The following ADK variants were observed in gnomAD, a reference collection of about 807,000 sequenced individuals.
ADK encodes N6,N6-dimethyladenosine kinase.
In ADK, 24 loss-of-function variants were observed where a neutral mutation model predicts 44.7. The observed-to-expected ratio is 0.54, with a 90% CI of 0.39 to 0.76. The LOEUF (loss-of-function observed/expected upper bound fraction) is 0.76, where lower values mean the gene tolerates loss of function less well. Ranked by LOEUF, ADK falls within the 30% of genes least tolerant of loss-of-function variation. The probability of loss-of-function intolerance (pLI) is 0.00; values close to 1 mark genes in which losing one functional copy is unlikely to be tolerated. For synonymous variants in ADK, 128 were observed against 142.6 expected, an observed-to-expected ratio of 0.90 and a Z score of 0.73; for missense variants, 321 against 425.1, an observed-to-expected ratio of 0.76 and a Z score of 2.15.
At chr10:74,159,531 T>C (rs1841835642) in intron 1 of ADK, among the ~76,000 whole-genome samples, 1 of 152,222 alleles carries the variant, frequency 6.6e-6, no homozygotes. Context: ...CTTTGGTTCA[T>C]ACTTAGAACC....
intron 7 of ADK, among the ~76,000 whole-genome samples, chr10:74,573,816 C>T (rs754444420): frequency 7.2e-5 from 11 of 152,186 alleles, no homozygotes; most frequent in African/African-American, 1.4e-4. Flanking sequence ...GAGCCAGGTG[C>T]GGGATATAAT....
chr10:74,407,357 G>C (rs183856527), intron 6 of ADK, among the ~76,000 whole-genome samples: 11 of 152,202 alleles, frequency 7.2e-5, no homozygotes, highest in African/African-American at 2.6e-4. Flanking sequence ...TGACATTATA[G>C]TTTTCATCTC....
intron 7 of ADK, among the ~76,000 whole-genome samples, chr10:74,536,034 G>A (rs1409653887): frequency 1.3e-5 from 2 of 151,584 alleles, no homozygotes; most frequent in East Asian, 3.9e-4. Context: ...TCTGTAAATT[G>A]AGGGGATTTG....
chr10:74,632,333 C>T (rs541924655), intron 9 of ADK, among the ~76,000 whole-genome samples: 1 of 152,240 alleles, frequency 6.6e-6, no homozygotes, highest in Admixed American at 6.5e-5. Flanking sequence ...ATGGTTTATT[C>T]ATTTCCTAGG....
Position 74,708,340 on chromosome 10 carries a change from C to A in ADK, c.984C>A (p.Val328=). The part of the protein sequence containing the change: ...AFVGGFLSQL[V]SDKPLTECIR... ...TTCTAGGTTTTCTGTCTCAACTGGTCTCTGACAAGCCTCTGACTGAATGTA... is the reference window on the plus strand; with the variant it reads ...TTCTAGGTTTTCTGTCTCAACTGGTATCTGACAAGCCTCTGACTGAATGTA... Residue 328 remains valine, a synonymous_variant, in exon 11 of 11, where the codon GTC becomes GTA. Transcript: ENST00000539909. The A allele has an allele frequency of 6.2e-7, 1 of 1,611,344 alleles. No homozygotes were observed. The highest frequency in any genetic ancestry group is 1.1e-5 in the South Asian group (1 of 90,988).
chr10:74,406,351 T>C (rs778105009), intron 6 of ADK, among the ~76,000 whole-genome samples: 12 of 152,162 alleles, frequency 7.9e-5, no homozygotes, highest in Non-Finnish European at 1.2e-4. Flanking sequence ...TTTTAAGATG[T>C]TTATCACTGA....
intron 6 of ADK, among the ~76,000 whole-genome samples, chr10:74,507,127 T>A (rs185392360): frequency 6.6e-6 from 1 of 152,240 alleles, no homozygotes; most frequent in Admixed American, 6.5e-5. Context: ...GACTTAACAT[T>A]AAACAGGACT....
chr10:74,155,136 C>T (rs1841711936), intron 1 of ADK, among the ~76,000 whole-genome samples: 1 of 152,112 alleles, frequency 6.6e-6, no homozygotes, highest in African/African-American at 2.4e-5. Flanking sequence ...TTCCATGGAC[C>T]CCTTTTATTA....
At chr10:74,368,912 A>C (rs1222219852) in intron 4 of ADK, among the ~76,000 whole-genome samples, 1 of 152,206 alleles carries the variant, frequency 6.6e-6, no homozygotes, top group Non-Finnish European at 1.5e-5. Context: ...AACAGACACG[A>C]GCCACCGCAT....
intron 6 of ADK, among the ~76,000 whole-genome samples, chr10:74,510,748 C>T (rs1848278265): frequency 6.6e-6 from 1 of 152,126 alleles, no homozygotes; most frequent in Non-Finnish European, 1.5e-5. Context: ...TGCTGTGTCA[C>T]CCAGGCTGCA....
chr10:74,581,828 TA>T (rs1851383373), intron 7 of ADK, among the ~76,000 whole-genome samples: 2 of 152,092 alleles, frequency 1.3e-5, no homozygotes, highest in South Asian at 4.1e-4. Context: ...CCAGTGAAAA[TA>T]CCTTTCAAAA....
intron 3 of ADK, among the ~76,000 whole-genome samples, chr10:74,232,688 C>T (rs1177299632): frequency 6.6e-6 from 1 of 151,972 alleles, no homozygotes; most frequent in Non-Finnish European, 1.5e-5. Flanking sequence ...TGCAGTGGCA[C>T]AATCTTAGCT....
intron 10 of ADK, among the ~76,000 whole-genome samples, chr10:74,700,244 G>A (rs1468936013): frequency 6.6e-6 from 1 of 152,092 alleles, no homozygotes; most frequent in Non-Finnish European, 1.5e-5. Flanking sequence ...TGATTACCAG[G>A]AGATTTTGGT....
chr10:74,343,887 C>T (rs555653287), intron 4 of ADK, among the ~76,000 whole-genome samples: 58 of 152,238 alleles, frequency 3.8e-4, no homozygotes, highest in African/African-American at 1.2e-3. Context: ...AGATTACAGG[C>T]GTGAGCAACC....
At chr10:74,480,157 T>C (rs1238835413) in intron 6 of ADK, among the ~76,000 whole-genome samples, 1 of 152,060 alleles carries the variant, frequency 6.6e-6, no homozygotes, top group Non-Finnish European at 1.5e-5. Flanking sequence ...AATAATGTTC[T>C]AGTTTTGTCT....
At chr10:74,589,887 C>A (rs533434683) in intron 8 of ADK, among the ~76,000 whole-genome samples, 3 of 151,964 alleles carry the variant, frequency 2.0e-5, no homozygotes, top group African/African-American at 7.2e-5. Flanking sequence ...TCTGGGGAGA[C>A]GGAGGTAGCA....
intron 6 of ADK, among the ~76,000 whole-genome samples, chr10:74,449,148 G>C (rs1845685842): frequency 6.6e-6 from 1 of 152,174 alleles, no homozygotes; most frequent in Admixed American, 6.5e-5. Context: ...AACTTCTTAG[G>C]CATGGGCAGA....
chr10:74,635,633 A>G (rs1378167256), intron 9 of ADK, among the ~76,000 whole-genome samples: 1 of 152,124 alleles, frequency 6.6e-6, no homozygotes, highest in African/African-American at 2.4e-5. Flanking sequence ...ACTTGTCTTG[A>G]CAGTGGTCAC....
intron 6 of ADK, among the ~76,000 whole-genome samples, chr10:74,406,383 T>C (rs1592163383): frequency 6.6e-6 from 1 of 152,100 alleles, no homozygotes; most frequent in African/African-American, 2.4e-5. Flanking sequence ...TTTATTATGA[T>C]GTACCTTGGC....
Sources: gnomAD v4.1 joint callset for allele counts (sites outside exome capture counted in the v4.1 genomes callset) on GRCh38, gnomAD v4.1.1 for gene constraint, MANE v1.5 for transcripts, NCBI Gene and HGNC (gene_info 2026-07-23, HGNC 2026-07-21) for gene names.